Variants in ELOC observed in about 807,000 individuals in gnomAD.
ELOC encodes elongin C.
For missense variants in ELOC, 38 were observed against 139.0 expected, an observed-to-expected ratio of 0.27 and a Z score of 3.65; for synonymous variants, 40 against 51.3, an observed-to-expected ratio of 0.78 and a Z score of 0.94.
intron 1 of ELOC, among the ~76,000 whole-genome samples, chr8:73,966,349 G>C (rs184974169): frequency 7.9e-5 from 12 of 152,284 alleles, no homozygotes; most frequent in Admixed American, 5.9e-4. Context: ...AAGGAGAACA[G>C]TCTGGCCAGA....
chr8:73,968,202 G>A (rs1406497078), intron 1 of ELOC, among the ~76,000 whole-genome samples: 1 of 152,152 alleles, frequency 6.6e-6, no homozygotes, highest in African/African-American at 2.4e-5. Context: ...TAGGACTTCT[G>A]TTTCTTCATC....
rs1586603241 is a variant in ELOC at position 73,956,178 on chromosome 8, G to C, written c.5-124C>G. The stretch of plus-strand genomic sequence containing the variant: ...CACTTTGGCAGGCCAATCACCTGAG[G>C]TCAGGAGTTCAAGACCAGCCTGGTC... On this transcript the variant is annotated intron_variant, in intron 2 of 3. Transcript: ENST00000520242. 7.0e-6 allele frequency: 6 copies of C among 861,922 alleles called. No individual in the cohort carries two copies. In the South Asian group the frequency reaches 9.3e-5, roughly 13 times the overall value. 53.4% of individuals were successfully genotyped at this position (861,922 alleles called of 1,614,324 possible).
chr8:73,964,138 G>GC (rs966144030), intron 1 of ELOC, among the ~76,000 whole-genome samples: 24 of 145,776 alleles, frequency 1.6e-4, no homozygotes, highest in African/African-American at 6.1e-4. Context: ...AGTGTGGATT[G>GC]CAACAGGTAA....
intron 2 of ELOC, among the ~76,000 whole-genome samples, chr8:73,957,204 T>A (rs1319225301): frequency 6.6e-6 from 1 of 150,874 alleles, no homozygotes; most frequent in South Asian, 2.1e-4. Context: ...ATTTAAACAA[T>A]ACTCGGTTTA....
In ELOC at chr8:73,954,448, G is replaced by T. The variant is rs964193692; in HGVS notation, c.148+1463C>A. Among the ~76,000 whole-genome samples, 10 of 151,540 alleles carry T rather than the reference G, an allele frequency of 6.6e-5. No individual in the cohort carries two copies. The East Asian group carries it at 2.0e-3, about 30-fold the overall frequency. On this transcript the variant is annotated intron_variant, in intron 3 of 3. Coordinates refer to ENST00000520242, the MANE Select transcript of ELOC (RefSeq NM_005648.4). Reference sequence around the variant, plus strand: ...CTGAGGCAGGCGGATCACAAGGTCAGATCGAGACCATCCTGGCTAACACGG... The same window carrying T: ...CTGAGGCAGGCGGATCACAAGGTCATATCGAGACCATCCTGGCTAACACGG...
chr8:73,963,842 C>T (rs1010860550), intron 1 of ELOC, among the ~76,000 whole-genome samples: 3 of 152,148 alleles, frequency 2.0e-5, no homozygotes, highest in Non-Finnish European at 4.4e-5. Context: ...CCTATAATCC[C>T]AGCACTTTGG....
At chr8:73,947,545 G>A (rs1448473772) in intron 3 of ELOC, among the ~76,000 whole-genome samples, 1 of 151,968 alleles carries the variant, frequency 6.6e-6, no homozygotes, top group Non-Finnish European at 1.5e-5. Context: ...AATGAATTAT[G>A]GAATTCTGAT....
At chr8:73,968,526 A>G (rs1418557064) in intron 1 of ELOC, among the ~76,000 whole-genome samples, 3 of 152,242 alleles carry the variant, frequency 2.0e-5, no homozygotes, top group Admixed American at 6.5e-5. Context: ...CATAGATTCT[A>G]CATATTAACA....
chr8:73,957,007 T>C (rs1294406996), intron 2 of ELOC, among the ~76,000 whole-genome samples: 1 of 151,852 alleles, frequency 6.6e-6, no homozygotes, highest in Non-Finnish European at 1.5e-5. Context: ...CCGTCTCTAC[T>C]AAAAATACAA....
At chr8:73,962,297 A>T (rs1814657378) in intron 1 of ELOC, among the ~76,000 whole-genome samples, 1 of 152,240 alleles carries the variant, frequency 6.6e-6, no homozygotes, top group African/African-American at 2.4e-5. Context: ...CTACAGCTTA[A>T]GTGGCAGCGT....
At chr8:73,965,909 C>T (rs1365124014) in intron 1 of ELOC, among the ~76,000 whole-genome samples, 1 of 152,064 alleles carries the variant, frequency 6.6e-6, no homozygotes. Context: ...TACAAATCTA[C>T]AACAGAAGAT....
At chr8:73,950,704 C>T (rs933593843) in intron 3 of ELOC, among the ~76,000 whole-genome samples, 1 of 152,180 alleles carries the variant, frequency 6.6e-6, no homozygotes, top group African/African-American at 2.4e-5. Context: ...AAGAGTGCTA[C>T]CTACAAATAT....
In ELOC at chr8:73,958,980, T is replaced by C. The variant is rs77952234; in HGVS notation, c.4+785A>G. Among the ~76,000 whole-genome samples the C allele has an allele frequency of 4.5e-3, 683 of 152,336 alleles. 6 individuals are homozygous for C. Among genetic ancestry groups the C allele is most frequent in the African/African-American group, 0.015 (620 of 41,574 alleles). On this transcript the variant is annotated intron_variant, in intron 2 of 3. Transcript: ENST00000520242. The stretch of plus-strand genomic sequence containing the variant: ...GCTACAAACCTGTACGGTATGTTAC[T>C]GTATGAATACTATAAGCAACTGTAA...
Position 73,951,679 on chromosome 8 carries a change from CAAA to C in ELOC, c.148+4229_148+4231del, listed in dbSNP as rs748780800. ...ACAACAACAACAACAACAACAACAA[CAAA>C]ACAACAGACAAAACCAGAAAGAGCT... On this transcript the variant is annotated intron_variant, in intron 3 of 3. Transcript: ENST00000520242. Among the ~76,000 whole-genome samples the C allele has an allele frequency of 7.3e-3, 1,076 of 148,078 alleles. 27 individuals are homozygous for C. The highest frequency in any genetic ancestry group is 0.054 in the East Asian group (274 of 5,082).
At chr8:73,947,363 G>A (rs554437230) in intron 3 of ELOC, among the ~76,000 whole-genome samples, 1 of 152,166 alleles carries the variant, frequency 6.6e-6, no homozygotes, top group South Asian at 2.1e-4. Context: ...GAAGAAGATG[G>A]CCATGTACAA....
intron 2 of ELOC, among the ~76,000 whole-genome samples, chr8:73,958,305 T>C (rs943393794): frequency 5.9e-5 from 9 of 152,108 alleles, no homozygotes; most frequent in Admixed American, 2.0e-4. Context: ...GTAAAACTTG[T>C]AATAAATATT....
intron 2 of ELOC, among the ~76,000 whole-genome samples, chr8:73,956,317 G>A (rs1814183467): frequency 6.6e-6 from 1 of 152,086 alleles, no homozygotes; most frequent in Non-Finnish European, 1.5e-5. Context: ...CCTCGGAGGT[G>A]GAGGCTGCAG....
intron 1 of ELOC, among the ~76,000 whole-genome samples, chr8:73,966,258 A>G (rs1814962100): frequency 1.3e-5 from 2 of 152,198 alleles, no homozygotes; most frequent in African/African-American, 4.8e-5. Flanking sequence ...GTGAAGAACT[A>G]ACATTAACAG....
intron 1 of ELOC, among the ~76,000 whole-genome samples, chr8:73,966,249 T>A (rs1274422992): frequency 6.6e-6 from 1 of 152,112 alleles, no homozygotes. Context: ...TACGGCATGG[T>A]GAAGAACTAA....
Sources: gnomAD v4.1 joint callset for allele counts (sites outside exome capture counted in the v4.1 genomes callset) on GRCh38, gnomAD v4.1.1 for gene constraint, MANE v1.5 for transcripts, NCBI Gene and HGNC (gene_info 2026-07-23, HGNC 2026-07-21) for gene names.